Variants in CCSER2 observed in about 807,000 individuals in gnomAD.
CCSER2 encodes coiled-coil serine rich protein 2.
A neutral mutation model predicts 92.3 loss-of-function variants in CCSER2; 46 were observed. The ratio of observed to expected loss-of-function variants is 0.50; its 90% confidence interval spans 0.39 to 0.64. The LOEUF (loss-of-function observed/expected upper bound fraction) is 0.64, where lower values mean the gene tolerates loss of function less well. Ranked by LOEUF, CCSER2 falls within the 30% of genes least tolerant of loss-of-function variation. CCSER2 has a pLI of 0.00. For synonymous variants in CCSER2, 433 were observed against 431.4 expected (o/e 1.00, Z -0.04); for missense variants, 1,244 against 1,238.9 (o/e 1.00, Z -0.06).
chr10:84,428,985 G>GTATGTATATA (rs1554847404), intron 5 of CCSER2, among the ~76,000 whole-genome samples: 2 of 140,848 alleles, frequency 1.4e-5, no homozygotes, highest in Non-Finnish European at 3.0e-5. Flanking sequence ...GTGTGTATGT[G>GTATGTATATA]TATATATATA....
At chr10:84,455,139 A>T (rs1020445707) in intron 6 of CCSER2, 1 of 152,988 alleles carries the variant, frequency 6.5e-6, no homozygotes, top group Non-Finnish European at 1.4e-5. Flanking sequence ...AGTCCATTAA[A>T]CCTCTTTTTC....
intron 8 of CCSER2, among the ~76,000 whole-genome samples, chr10:84,477,169 T>C (rs1035649905): frequency 3.9e-5 from 6 of 152,214 alleles, no homozygotes; most frequent in Non-Finnish European, 1.5e-5. Flanking sequence ...ACTCTTTATA[T>C]TGATATACAT....
rs1849640451 is a variant in CCSER2, at chr10:84,517,650, C to G, written c.*3383C>G. On this transcript the variant is annotated 3_prime_UTR_variant, in exon 10 of 10. Transcript: ENST00000372088. ...GTTTGAAGATATCAGTACAGCTGTT[C>G]ACAGAAATATATTCCCAGCATGTCA... 2 of 152,578 alleles carry G rather than the reference C, an allele frequency of 1.3e-5. No homozygotes were observed. Among genetic ancestry groups the G allele is most frequent in the Admixed American group, 1.3e-4 (2 of 15,270 alleles). The allele number at this position is 152,578 out of a possible 1,614,324, so 9.5% of individuals were successfully genotyped here. A position where few individuals can be genotyped will look rare whatever the true frequency, so the allele number is the denominator to read the frequency against.
Position 84,373,613 on chromosome 10 carries a change from T to C in CCSER2, c.1418-6T>C. ...TTGTGAATCAGTAACCTTTTTTCTCTTGAAGACAGGAGTGAATGTACAAAA... is the reference window on the plus strand; with the variant it reads ...TTGTGAATCAGTAACCTTTTTTCTCCTGAAGACAGGAGTGAATGTACAAAA... On this transcript the variant is annotated splice_region_variant and splice_polypyrimidine_tract_variant and intron_variant, in intron 2 of 9. Transcript: ENST00000372088. 1 of 1,598,618 alleles carries C rather than the reference T, an allele frequency of 6.3e-7. No homozygotes were observed. The highest frequency in any genetic ancestry group is 1.1e-5 in the South Asian group (1 of 90,378).
intron 3 of CCSER2, 31 bp from the exon 4 acceptor site, chr10:84,417,740 A>G: frequency 9.8e-7 from 1 of 1,015,412 alleles, no homozygotes; most frequent in Non-Finnish European, 1.6e-6. Flanking sequence ...GAGCTAGATT[A>G]TGGTATATTT....
intron 6 of CCSER2, among the ~76,000 whole-genome samples, chr10:84,460,262 T>A (rs1302488557): frequency 6.7e-6 from 1 of 149,698 alleles, no homozygotes; most frequent in Non-Finnish European, 1.5e-5. Context: ...GCTGATTTTT[T>A]TTTTTTTTTT....
chr10:84,375,857 C>CTTTTTTTTTTTTTTTT (rs1846305748), intron 3 of CCSER2, among the ~76,000 whole-genome samples: 1 of 143,962 alleles, frequency 6.9e-6, no homozygotes, highest in Non-Finnish European at 1.5e-5. Context: ...TTTTCTGTTT[C>CTTTTTTTTTTTTTTTT]TTTTTCTTTT....
intron 3 of CCSER2, among the ~76,000 whole-genome samples, chr10:84,404,817 AC>A (rs1393772002): frequency 6.6e-6 from 1 of 152,220 alleles, no homozygotes; most frequent in East Asian, 1.9e-4. Context: ...ATCTACCAAA[AC>A]ACTTAGGTAT....
intron 1 of CCSER2, among the ~76,000 whole-genome samples, chr10:84,342,922 C>T (rs181531803): frequency 1.3e-5 from 2 of 152,094 alleles, no homozygotes; most frequent in Non-Finnish European, 2.9e-5. Context: ...CTCTGTCGCC[C>T]AGTGCAGTGG....
rs143128097 is a variant in CCSER2, at chr10:84,371,143, C to T, written c.91C>T (p.Pro31Ser). The T allele has an allele frequency of 0.012, 18,847 of 1,613,020 alleles. 139 individuals are homozygous for T. Among genetic ancestry groups the T allele is most frequent in the South Asian group, 0.027 (2,442 of 90,804 alleles). The change falls in exon 2 of 10, where the codon CCA (proline) becomes TCA (serine). Residue 31 changes from proline (P) to serine (S), a missense_variant. Transcript: ENST00000372088. ...TGTAAGAAGTACATTGCAGCCAATG[C>T]CAAATGGGACACCTGTTAATTTATT... ...KSVRSTLQPM[P>S]NGTPVNLLGT... is the part of the protein sequence containing the mutation.
chr10:84,507,318 T>G, intron 9 of CCSER2: 2 of 985,270 alleles, frequency 2.0e-6, no homozygotes, highest in Non-Finnish European at 2.4e-6. Context: ...GTCCATTACT[T>G]CTCTGACAAA....
intron 9 of CCSER2, among the ~76,000 whole-genome samples, chr10:84,492,290 A>G (rs541730894): frequency 6.6e-6 from 1 of 152,232 alleles, no homozygotes; most frequent in East Asian, 1.9e-4. Flanking sequence ...CAAAAAAAAA[A>G]AAAAAGAAAT....
chr10:84,358,964 T>A (rs1483790384), intron 1 of CCSER2, among the ~76,000 whole-genome samples: 1 of 152,170 alleles, frequency 6.6e-6, no homozygotes, highest in Non-Finnish European at 1.5e-5. Context: ...GAGGAGTTTC[T>A]GTATGTGGGA....
chr10:84,491,074 T>G (rs1848132779), intron 9 of CCSER2, among the ~76,000 whole-genome samples: 1 of 152,218 alleles, frequency 6.6e-6, no homozygotes, highest in Non-Finnish European at 1.5e-5. Flanking sequence ...GAACAGCAAA[T>G]GTTTCTGCCT....
intron 9 of CCSER2, among the ~76,000 whole-genome samples, chr10:84,501,957 T>A (rs1848779706): frequency 7.1e-6 from 1 of 140,600 alleles, no homozygotes; most frequent in African/African-American, 2.5e-5. Context: ...GACTTGTAGG[T>A]CCCTGTTTGT....
At chr10:84,470,801 C>A (rs1415942463) in intron 8 of CCSER2, among the ~76,000 whole-genome samples, 1 of 151,974 alleles carries the variant, frequency 6.6e-6, no homozygotes, top group Admixed American at 6.6e-5. Flanking sequence ...AGGGTATTTT[C>A]TCTCTCTGTG....
At chr10:84,476,060 C>G (rs1297448166) in intron 8 of CCSER2, among the ~76,000 whole-genome samples, 1 of 152,006 alleles carries the variant, frequency 6.6e-6, no homozygotes. Context: ...GGTCTGGAAC[C>G]CCTGGGCCCA....
intron 3 of CCSER2, among the ~76,000 whole-genome samples, chr10:84,374,955 C>G (rs1175349445): frequency 1.3e-5 from 2 of 152,064 alleles, no homozygotes; most frequent in Non-Finnish European, 2.9e-5. Context: ...TTGTCAACAC[C>G]TTGCATACAA....
chr10:84,391,239 A>C lies in CCSER2; in HGVS notation c.1614+17424A>C, dbSNP rs369661595. The C allele has an allele frequency of 3.9e-5, 51 of 1,323,972 alleles. 1 individual carries two copies. In the African/African-American group the frequency reaches 5.8e-4, roughly 15 times the overall value. The allele number at this position is 1,323,972 out of a possible 1,614,324, so 82.0% of individuals were successfully genotyped here. ...AAGAGACAATGAGGAAAACTTGCCC[A>C]AGCCATGCTAAACAATGCTCAACCA... is the stretch of plus-strand genomic sequence containing the variant. On this transcript the variant is annotated intron_variant, in intron 3 of 9. Transcript: ENST00000372088.
Sources: gnomAD v4.1 joint callset for allele counts (sites outside exome capture counted in the v4.1 genomes callset) on GRCh38, gnomAD v4.1.1 for gene constraint, MANE v1.5 for transcripts, NCBI Gene and HGNC (gene_info 2026-07-23, HGNC 2026-07-21) for gene names.